SAMD5: variants seen among roughly 807,000 people sequenced by gnomAD.
SAMD5 encodes the protein sterile alpha motif domain-containing protein 5.
In SAMD5, 13 loss-of-function variants were observed where a neutral mutation model predicts 11.3. The ratio of observed to expected loss-of-function variants is 1.15; its 90% CI spans 0.75 to 1.83. SAMD5 has a LOEUF of 1.83. Among genes scored for constraint, SAMD5 ranks in the 40% most tolerant of loss-of-function variants. The pLI is 0.00. For missense variants in SAMD5, 255 were observed against 239.1 expected (o/e 1.07, Z -0.44); for synonymous variants, 129 against 111.3 (o/e 1.16, Z -1.00).
At chr6:147,586,488 A>G (rs1936037852) in intron 1 of SAMD5, among the ~76,000 whole-genome samples, 1 of 152,126 alleles carries the variant, frequency 6.6e-6, no homozygotes, top group African/African-American at 2.4e-5. Context: ...AGCTCTATGG[A>G]TATTTACGGA....
At chr6:147,617,047 C>A (rs1398228608) in intron 1 of SAMD5, among the ~76,000 whole-genome samples, 1 of 152,074 alleles carries the variant, frequency 6.6e-6, no homozygotes, top group African/African-American at 2.4e-5. Context: ...AAAGTTTCTC[C>A]TTGGTAATTT....
intron 1 of SAMD5, among the ~76,000 whole-genome samples, chr6:147,619,173 G>A (rs776890713): frequency 5.9e-5 from 9 of 152,174 alleles, no homozygotes; most frequent in East Asian, 1.9e-4. Flanking sequence ...GGGCCGTGAC[G>A]TGCACAAGAC....
chr6:147,735,282 T>G (rs368295091), intron 1 of SAMD5, among the ~76,000 whole-genome samples: 9 of 152,350 alleles, frequency 5.9e-5, no homozygotes, highest in African/African-American at 2.2e-4. Flanking sequence ...TGGTATTTAG[T>G]TGTCAAAGAC....
At chr6:147,605,026 C>A (rs925036226) in intron 1 of SAMD5, among the ~76,000 whole-genome samples, 1 of 152,204 alleles carries the variant, frequency 6.6e-6, no homozygotes, top group Non-Finnish European at 1.5e-5. Context: ...GGTCTGGTTA[C>A]ATTTCCACAT....
chr6:147,589,139 T>C (rs1257582513), intron 1 of SAMD5, among the ~76,000 whole-genome samples: 2 of 151,946 alleles, frequency 1.3e-5, no homozygotes, highest in East Asian at 3.9e-4. Flanking sequence ...AAATTGTTCT[T>C]GTAGAGACAG....
Position 147,566,798 on chromosome 6 carries a change from G to A in SAMD5, c.*2342G>A, listed in dbSNP as rs757241468. On this transcript the variant is annotated 3_prime_UTR_variant, in exon 2 of 2. Transcript: ENST00000367474. ...CAAAGAAGTATTGAAGGATGCCCACGAATTCCTTTGCATTAAAATCAAGAT... is the reference window on the plus strand; with the variant it reads ...CAAAGAAGTATTGAAGGATGCCCACAAATTCCTTTGCATTAAAATCAAGAT... 335 of 981,290 alleles carry A rather than the reference G, an allele frequency of 3.4e-4. No homozygotes were observed. The highest frequency in any genetic ancestry group is 3.9e-4 in the Non-Finnish European group (324 of 826,384). 60.8% of individuals were successfully genotyped at this position (981,290 alleles called of 1,614,324 possible). A position where few individuals can be genotyped will look rare whatever the true frequency, so the allele number is the denominator to read the frequency against.
intron 1 of SAMD5, among the ~76,000 whole-genome samples, chr6:147,528,960 G>C (rs557221806): frequency 3.7e-4 from 57 of 152,258 alleles, no homozygotes; most frequent in African/African-American, 1.3e-3. Context: ...CATCACTTTT[G>C]ACCTGTGTGA....
At chr6:147,686,931 G>A (rs1452951078) in intron 1 of SAMD5, among the ~76,000 whole-genome samples, 2 of 151,886 alleles carry the variant, frequency 1.3e-5, no homozygotes, top group African/African-American at 2.4e-5. Context: ...TGTGCCGAAC[G>A]TGCAGTTTTG....
At chr6:147,799,689 A>G in the SAMD5 span, among the ~76,000 whole-genome samples, 1 of 150,744 alleles carries the variant, frequency 6.6e-6, no homozygotes, top group South Asian at 2.1e-4. Flanking sequence ...CATTCTCCCC[A>G]TCACTTTCAG....
chr6:147,942,727 G>A, the SAMD5 span, among the ~76,000 whole-genome samples: 1 of 152,070 alleles, frequency 6.6e-6, no homozygotes, highest in African/African-American at 2.4e-5. Flanking sequence ...ATGAAGAGAT[G>A]GTGAATAATT....
In SAMD5 at chr6:147,567,861, G is replaced by T. The variant is rs567361953; in HGVS notation, c.*3405G>T. The T allele has an allele frequency of 2.0e-5, 20 of 985,356 alleles. No individual in the cohort carries two copies. The highest frequency in any genetic ancestry group is 7.0e-5 in the African/African-American group (4 of 57,334). The allele number at this position is 985,356 out of a possible 1,614,324, so 61.0% of individuals were successfully genotyped here. A position where few individuals can be genotyped will look rare whatever the true frequency, so the allele number is the denominator to read the frequency against. On this transcript the variant is annotated 3_prime_UTR_variant, in exon 2 of 2. Coordinates refer to ENST00000367474, the MANE Select transcript of SAMD5 (RefSeq NM_001030060.3). ...TAAATGTTTATTGATTGAATGAAAAGAATTTGATTTAAGGAAACAATAACA... is the reference window on the plus strand; with the variant it reads ...TAAATGTTTATTGATTGAATGAAAATAATTTGATTTAAGGAAACAATAACA...
At chr6:147,859,786 T>A in the SAMD5 span, among the ~76,000 whole-genome samples, 1 of 152,150 alleles carries the variant, frequency 6.6e-6, no homozygotes, top group Non-Finnish European at 1.5e-5. Context: ...TTGTTTTTAG[T>A]TTCCTCACCA....
intron 1 of SAMD5, among the ~76,000 whole-genome samples, chr6:147,690,843 A>G (rs1791090475): frequency 6.6e-6 from 1 of 152,134 alleles, no homozygotes; most frequent in East Asian, 1.9e-4. Flanking sequence ...AGATGTTGGC[A>G]TTCACCATCT....
At chr6:147,931,098 A>G in the SAMD5 span, among the ~76,000 whole-genome samples, 613 of 152,316 alleles carry the variant, frequency 4.0e-3, 3 homozygotes, top group African/African-American at 0.013. Flanking sequence ...ATTGCCTCCC[A>G]TTGCTACAAG....
chr6:147,657,109 C>T (rs1790582413), intron 1 of SAMD5, among the ~76,000 whole-genome samples: 1 of 151,838 alleles, frequency 6.6e-6, no homozygotes, highest in Non-Finnish European at 1.5e-5. Flanking sequence ...AAGTGATTTC[C>T]AGGATATATA....
Position 147,569,621 on chromosome 6 carries a change from G to A in SAMD5, c.*5165G>A, listed in dbSNP as rs903985709. 23 of 985,178 alleles carry A rather than the reference G, an allele frequency of 2.3e-5. No homozygotes were observed. In the African/African-American group the frequency reaches 2.6e-4, roughly 11 times the overall value. 61.0% of individuals were successfully genotyped at this position (985,178 alleles called of 1,614,324 possible). Reference sequence around the variant, plus strand: ...CAGGGCAAAGTGGTATGTTGACTGGGACAAACGTTAGAAATTGTATTGTTC... The same window carrying A: ...CAGGGCAAAGTGGTATGTTGACTGGAACAAACGTTAGAAATTGTATTGTTC... On this transcript the variant is annotated 3_prime_UTR_variant, in exon 2 of 2. Coordinates refer to ENST00000367474, the MANE Select transcript of SAMD5 (RefSeq NM_001030060.3).
chr6:147,566,047 G>C lies in SAMD5; in HGVS notation c.*1591G>C, dbSNP rs913763268. 36 of 984,898 alleles carry C rather than the reference G, an allele frequency of 3.7e-5. No homozygotes were observed. Among genetic ancestry groups the C allele is most frequent in the South Asian group, 4.7e-5 (1 of 21,288 alleles). 61.0% of individuals were successfully genotyped at this position (984,898 alleles called of 1,614,324 possible). On this transcript the variant is annotated 3_prime_UTR_variant, in exon 2 of 2. Coordinates refer to ENST00000367474, the MANE Select transcript of SAMD5 (RefSeq NM_001030060.3). ...TGGTCCATTTTGGTTCCTAAGAATA[G>C]ATAGGCCATTAAGAAGGATATTAGG...
chr6:147,826,351 C>G, the SAMD5 span, among the ~76,000 whole-genome samples: 6 of 152,256 alleles, frequency 3.9e-5, no homozygotes, highest in African/African-American at 1.4e-4. Context: ...TGAAGTAACC[C>G]TCAATGGCTA....
chr6:147,789,081 C>CA, the SAMD5 span, among the ~76,000 whole-genome samples: 4,777 of 127,494 alleles, frequency 0.037, 261 homozygotes, highest in African/African-American at 0.14. Flanking sequence ...GAGACTGTCT[C>CA]AAAAAACAAA....
Sources: allele counts gnomAD v4.1 joint callset (sites outside exome capture counted in the v4.1 genomes callset), GRCh38; gene constraint gnomAD v4.1.1; transcripts MANE v1.5; gene names NCBI Gene and HGNC (gene_info 2026-07-23, HGNC 2026-07-21).